SEMA3A: variants seen among roughly 807,000 people sequenced by gnomAD.
The protein encoded by SEMA3A is semaphorin 3A, also known as semaphorin-3A.
In SEMA3A, 29 loss-of-function variants were observed where a neutral mutation model predicts 97.9. The ratio of observed to expected loss-of-function variants is 0.30; its 90% CI spans 0.22 to 0.40. The LOEUF is 0.40. SEMA3A is among the 10% of genes least tolerant of loss of function. The pLI, the probability that SEMA3A is intolerant of heterozygous loss-of-function variation, is 1.00. For synonymous variants in SEMA3A, 321 were observed against 323.7 expected (o/e 0.99, Z 0.09); for missense variants, 763 against 951.3 (o/e 0.80, Z 2.60).
rs1791621859 is a variant in SEMA3A at position 84,028,401 on chromosome 7, A to C, written c.668-14050T>G. On this transcript the variant is annotated intron_variant, in intron 6 of 16. Coordinates refer to ENST00000265362, the MANE Select transcript of SEMA3A (RefSeq NM_006080.3). ...TAATGGGTGATAAATGATATCATTT[A>C]GTTTCTTTTACTAGTACTGTCATTA... is the stretch of plus-strand genomic sequence containing the variant. Among the ~76,000 whole-genome samples, 6 of 152,334 alleles carry C rather than the reference A, an allele frequency of 3.9e-5. No individual in the cohort carries two copies. In the South Asian group the frequency reaches 1.2e-3, roughly 32 times the overall value.
chr7:84,415,603 C>CCA, intron 1 of SEMA3A, among the ~76,000 whole-genome samples: 3 of 152,166 alleles, frequency 2.0e-5, no homozygotes, highest in African/African-American at 7.2e-5. Context: ...CCTGATGAAT[C>CCA]TAGATAATGG....
intron 4 of SEMA3A, among the ~76,000 whole-genome samples, chr7:84,099,725 A>G (rs2115892907): frequency 1.3e-5 from 2 of 152,228 alleles, no homozygotes; most frequent in African/African-American, 4.8e-5. Flanking sequence ...AGATCTGGCT[A>G]TTATTTAGAT....
At position 84,458,405 on chromosome 7, in the gene SEMA3A, G is replaced by T. The variant is rs368769813; in HGVS notation, c.-246+34055C>A. On this transcript the variant is annotated intron_variant, in intron 1 of 3. Transcript: ENST00000424555. The stretch of plus-strand genomic sequence containing the variant: ...CATATTATTGCCATATTAATTCAGA[G>T]AAAAAAATTATGTCAATTTTAACTA... 1.4e-4 allele frequency among the ~76,000 whole-genome samples: 22 copies of T among 151,880 alleles called. 1 individual carries two copies. In the East Asian group the frequency reaches 3.7e-3, roughly 25 times the overall value.
chr7:84,214,190 A>G (rs953470153), intron 3 of SEMA3A, among the ~76,000 whole-genome samples: 1 of 152,198 alleles, frequency 6.6e-6, no homozygotes, highest in African/African-American at 2.4e-5. Context: ...AATATATTAA[A>G]AAAAATTATC....
At chr7:84,335,728 T>C (rs1056324029) in intron 2 of SEMA3A, among the ~76,000 whole-genome samples, 2 of 152,106 alleles carry the variant, frequency 1.3e-5, no homozygotes, top group African/African-American at 4.8e-5. Flanking sequence ...TTATCTCAAA[T>C]TTCAGAAGTG....
At position 84,201,996 on chromosome 7, in the gene SEMA3A, C is replaced by T. The variant is rs540527318; in HGVS notation, c.-82-7328G>A. On this transcript the variant is annotated intron_variant, in intron 3 of 3. Coordinates refer to the SEMA3A transcript ENST00000424555. ...CAATGCAATTGTGTTCTCACATACACTTTGCCATCTCAACTAAAGCTTTAT... is the reference window on the plus strand; with the variant it reads ...CAATGCAATTGTGTTCTCACATACATTTTGCCATCTCAACTAAAGCTTTAT... Among the ~76,000 whole-genome samples, 4 of 152,282 alleles carry T rather than the reference C, an allele frequency of 2.6e-5. No individual in the cohort carries two copies. In the South Asian group the frequency reaches 8.3e-4, roughly 32 times the overall value.
At chr7:84,263,121 T>G (rs1314828938) in intron 3 of SEMA3A, among the ~76,000 whole-genome samples, 2 of 152,240 alleles carry the variant, frequency 1.3e-5, no homozygotes, top group Non-Finnish European at 1.5e-5. Flanking sequence ...TTATAGGATC[T>G]TCCCTCAATA....
chr7:84,203,807 A>T (rs951900854), intron 3 of SEMA3A, among the ~76,000 whole-genome samples: 11 of 151,914 alleles, frequency 7.2e-5, no homozygotes, highest in African/African-American at 2.7e-4. Flanking sequence ...CTGGGATTAC[A>T]GGAGTGAGCC....
intron 1 of SEMA3A, among the ~76,000 whole-genome samples, chr7:84,453,072 A>G (rs1805598828): frequency 6.6e-6 from 1 of 152,108 alleles, no homozygotes; most frequent in Non-Finnish European, 1.5e-5. Context: ...AAAACCTTCC[A>G]GTGTTTTGTC....
rs1470520164 is a variant in SEMA3A at position 84,005,616 on chromosome 7, A to G, written c.1141-58T>C. 6.0e-6 allele frequency: 7 copies of G among 1,173,054 alleles called. No individual in the cohort carries two copies. The East Asian group carries it at 1.8e-4, about 30-fold the overall frequency. The allele number at this position is 1,173,054 out of a possible 1,614,324, so 72.7% of individuals were successfully genotyped here. On this transcript the variant is annotated intron_variant, in intron 10 of 16. Coordinates refer to ENST00000265362, the MANE Select transcript of SEMA3A (RefSeq NM_006080.3). ...TAAAATCTAATAAACATAATTATAA[A>G]TTATATAATAACACATGGCCTCAAT...
intron 1 of SEMA3A, among the ~76,000 whole-genome samples, chr7:84,150,206 A>C (rs1796587256): frequency 6.6e-6 from 1 of 152,232 alleles, no homozygotes; most frequent in South Asian, 2.1e-4. Flanking sequence ...TTACCTATGT[A>C]CATCTGCCTC....
At chr7:84,220,919 A>C (rs1050607924) in intron 3 of SEMA3A, among the ~76,000 whole-genome samples, 1 of 152,114 alleles carries the variant, frequency 6.6e-6, no homozygotes, top group African/African-American at 2.4e-5. Context: ...ATTAGCTTCT[A>C]ACAAGAGAGT....
chr7:84,169,536 A>G (rs1239957460), intron 1 of SEMA3A, among the ~76,000 whole-genome samples: 1 of 148,708 alleles, frequency 6.7e-6, no homozygotes, highest in African/African-American at 2.4e-5. Context: ...AAATTATTAT[A>G]TAATACTATA....
chr7:84,216,743 C>T (rs1798763927), intron 3 of SEMA3A, among the ~76,000 whole-genome samples: 1 of 151,958 alleles, frequency 6.6e-6, no homozygotes, highest in South Asian at 2.1e-4. Flanking sequence ...CATGGACGTC[C>T]AGTTGACAGA....
In SEMA3A at chr7:84,261,777, C is replaced by T. The variant is rs369033757; in HGVS notation, c.-83+45430G>A. ...ATCCAGGCTGGCTGTGCAAGCTGAG[C>T]ACAGCCTGCAATGCCAAGTGGGTGG... is the stretch of plus-strand genomic sequence containing the variant. On this transcript the variant is annotated intron_variant, in intron 3 of 3. Transcript: ENST00000424555. Among the ~76,000 whole-genome samples, 9 of 152,364 alleles carry T rather than the reference C, an allele frequency of 5.9e-5. 1 individual carries two copies. The highest frequency in any genetic ancestry group is 1.3e-4 in the Admixed American group (2 of 15,308).
At chr7:84,139,345 T>C (rs1233544209) in intron 1 of SEMA3A, among the ~76,000 whole-genome samples, 1 of 152,200 alleles carries the variant, frequency 6.6e-6, no homozygotes, top group Non-Finnish European at 1.5e-5. Flanking sequence ...CTTCAACTTC[T>C]ACATGCTGTG....
upstream of SEMA3A, chr7:84,194,796 GAAAAA>G: frequency 3.9e-5 from 6 of 153,410 alleles, no homozygotes; most frequent in Non-Finnish European, 6.0e-5. Flanking sequence ...CCTCCAAAAA[GAAAAA>G]AAAAAAAAAA....
At chr7:84,149,970 G>C (rs1301884503) in intron 1 of SEMA3A, among the ~76,000 whole-genome samples, 1 of 152,138 alleles carries the variant, frequency 6.6e-6, no homozygotes, top group Non-Finnish European at 1.5e-5. Context: ...TAAGGTTGCT[G>C]ATTTCTTAAT....
chr7:84,250,380 G>A (rs1799580078), intron 3 of SEMA3A, among the ~76,000 whole-genome samples: 1 of 151,876 alleles, frequency 6.6e-6, no homozygotes, highest in South Asian at 2.1e-4. Flanking sequence ...TGGCTACTGT[G>A]CAAGTCAAAA....
Sources: allele counts gnomAD v4.1 joint callset (sites outside exome capture counted in the v4.1 genomes callset), GRCh38; gene constraint gnomAD v4.1.1; transcripts MANE v1.5; gene names NCBI Gene and HGNC (gene_info 2026-07-23, HGNC 2026-07-21).